PMM2: variants seen among roughly 807,000 people sequenced by gnomAD.
PMM2 encodes phosphomannomutase 2, also known as mannose-6-phosphate isomerase.
PMM2 carries 35 observed loss-of-function variants against 33.2 expected under a neutral mutation model. The observed-to-expected ratio is 1.06, with a 90% CI of 0.81 to 1.40. The LOEUF is 1.40. Among genes scored for constraint, PMM2 ranks in the 40% most tolerant of loss-of-function variants. The pLI, the probability that PMM2 is intolerant of heterozygous loss-of-function variation, is 0.00. For missense variants in PMM2, 386 were observed against 306.0 expected, an observed-to-expected ratio of 1.26 and a Z score of -1.95; for synonymous variants, 153 against 114.7, an observed-to-expected ratio of 1.33 and a Z score of -2.13.
chr16:8,823,431 G>A (rs2060749236), intron 7 of PMM2, among the ~76,000 whole-genome samples: 1 of 152,122 alleles, frequency 6.6e-6, no homozygotes, highest in South Asian at 2.1e-4. Context: ...ACAGCAGGGT[G>A]TATCATAGTT....
intron 7 of PMM2, among the ~76,000 whole-genome samples, chr16:8,817,709 C>T (rs2060715770): frequency 6.6e-6 from 1 of 152,030 alleles, no homozygotes; most frequent in Non-Finnish European, 1.5e-5. Flanking sequence ...TGTAAATTAA[C>T]CTGTGCATTC....
In PMM2 at chr16:8,847,719, T is replaced by C; in HGVS notation, c.640-5T>C. 1 of 1,609,910 alleles carries C rather than the reference T, an allele frequency of 6.2e-7. No individual in the cohort carries two copies. Among genetic ancestry groups the C allele is most frequent in the Non-Finnish European group, 8.5e-7 (1 of 1,176,272 alleles). On this transcript the variant is annotated splice_region_variant and splice_polypyrimidine_tract_variant and intron_variant, in intron 7 of 7. Coordinates refer to ENST00000268261, the MANE Select transcript of PMM2 (RefSeq NM_000303.3). ...AGCCTTCATCTGTACTTCGTGTCTT[T>C]CCAGGGTGGCAATGACCATGAGATC...
At chr16:8,847,532 A>T (rs1486676506) in intron 7 of PMM2, 192 bp from the exon 8 acceptor site, 1 of 597,252 alleles carries the variant, frequency 1.7e-6, no homozygotes, top group South Asian at 1.9e-5. Context: ...GTTCAAGAGA[A>T]GGTTATAAAT....
chr16:8,844,410 G>C (rs2060910588), intron 7 of PMM2, among the ~76,000 whole-genome samples: 1 of 152,122 alleles, frequency 6.6e-6, no homozygotes, highest in African/African-American at 2.4e-5. Context: ...GGGGCACAGA[G>C]ATACGAGTTT....
intron 7 of PMM2, among the ~76,000 whole-genome samples, chr16:8,845,755 C>T (rs1243282628): frequency 6.7e-6 from 1 of 149,752 alleles, no homozygotes; most frequent in Non-Finnish European, 1.5e-5. Flanking sequence ...TTGTTAGGTT[C>T]TCTGTGACTT....
At chr16:8,820,482 T>C (rs1596493620) in intron 7 of PMM2, among the ~76,000 whole-genome samples, 2 of 151,520 alleles carry the variant, frequency 1.3e-5, no homozygotes, top group African/African-American at 4.9e-5. Context: ...GCCTCCTGAG[T>C]AGCTGGGATT....
chr16:8,800,406 T>A (rs180692847), intron 1 of PMM2, among the ~76,000 whole-genome samples: 139 of 152,094 alleles, frequency 9.1e-4, no homozygotes, highest in African/African-American at 3.2e-3. Flanking sequence ...ACAACTGAGA[T>A]TGCTCAAAGT....
At chr16:8,842,712 C>T (rs950480712) in intron 7 of PMM2, among the ~76,000 whole-genome samples, 1 of 152,152 alleles carries the variant, frequency 6.6e-6, no homozygotes, top group Non-Finnish European at 1.5e-5. Context: ...TAAGACTTGT[C>T]CGGTTTCTGG....
chr16:8,827,865 T>A (rs1431809688), intron 7 of PMM2, among the ~76,000 whole-genome samples: 4 of 91,220 alleles, frequency 4.4e-5, no homozygotes, highest in African/African-American at 1.5e-4. Context: ...ATGTTATATA[T>A]TATATATATG....
intron 4 of PMM2, chr16:8,810,742 A>AT (rs2060672694): frequency 2.8e-6 from 1 of 362,604 alleles, no homozygotes; most frequent in South Asian, 2.2e-5. Flanking sequence ...ATGCCAGGCT[A>AT]TTTTTTGTAT....
In PMM2 at chr16:8,801,843, G is replaced by A. The variant is rs762773046; in HGVS notation, c.111G>A (p.Gln37=). 1.1e-5 allele frequency: 18 copies of A among 1,612,258 alleles called. No individual in the cohort carries two copies. The highest frequency in any genetic ancestry group is 1.7e-5 in the Admixed American group (1 of 59,978). Residue 37 remains glutamine, a synonymous_variant, in exon 2 of 8, where the codon CAG becomes CAA. Coordinates refer to ENST00000268261, the MANE Select transcript of PMM2 (RefSeq NM_000303.3). ...ATGACTTCCTACAAAAATTGAGGCAGAAGATCAAAATCGGAGTGGTAGGCG... is the reference window on the plus strand; with the variant it reads ...ATGACTTCCTACAAAAATTGAGGCAAAAGATCAAAATCGGAGTGGTAGGCG... ...EMDDFLQKLR[Q]KIKIGVVGGS... is the part of the protein sequence containing the mutation.
chr16:8,811,239 G>A (rs1215255275), intron 5 of PMM2, 61 bp downstream of exon 5: 1 of 1,106,510 alleles, frequency 9.0e-7, no homozygotes, highest in East Asian at 2.6e-5. Flanking sequence ...GATATGGCCT[G>A]GTGTGGTGGT....
chr16:8,823,755 T>G lies in PMM2; in HGVS notation c.639+10649T>G, dbSNP rs978874408. ...TTTCTTCTCATGGTCCTAAGATAATTTGGGGCTCCTGGGCCTGTCAAAAAG... is the reference window on the plus strand; with the variant it reads ...TTTCTTCTCATGGTCCTAAGATAATGTGGGGCTCCTGGGCCTGTCAAAAAG... On this transcript the variant is annotated intron_variant, in intron 7 of 7. Coordinates refer to ENST00000268261, the MANE Select transcript of PMM2 (RefSeq NM_000303.3). Among the ~76,000 whole-genome samples, 4 of 152,178 alleles carry G rather than the reference T, an allele frequency of 2.6e-5. No homozygotes were observed. The South Asian group carries it at 6.2e-4, about 24-fold the overall frequency.
At chr16:8,817,744 G>A (rs969162597) in intron 7 of PMM2, among the ~76,000 whole-genome samples, 2 of 152,036 alleles carry the variant, frequency 1.3e-5, no homozygotes, top group East Asian at 1.9e-4. Flanking sequence ...GAGAAAGTAC[G>A]AAGAAGAAAA....
intron 4 of PMM2, chr16:8,807,869 G>A (rs566826522): frequency 3.3e-5 from 5 of 152,104 alleles, no homozygotes; most frequent in Non-Finnish European, 7.3e-5. Context: ...TAAAATAATA[G>A]TAATAATAAT....
chr16:8,825,266 C>G (rs560214623), intron 7 of PMM2, among the ~76,000 whole-genome samples: 1 of 151,976 alleles, frequency 6.6e-6, no homozygotes, highest in Non-Finnish European at 1.5e-5. Flanking sequence ...CTCCTGACCT[C>G]GTGATCCACC....
intron 7 of PMM2, among the ~76,000 whole-genome samples, chr16:8,828,435 A>T (rs1488798121): frequency 5.3e-5 from 8 of 152,196 alleles, no homozygotes; most frequent in Admixed American, 5.2e-4. Context: ...AGCTTCAGCT[A>T]CTGAGCTAAA....
intron 7 of PMM2, among the ~76,000 whole-genome samples, chr16:8,828,845 A>G (rs562705391): frequency 2.6e-5 from 4 of 152,208 alleles, no homozygotes; most frequent in Non-Finnish European, 4.4e-5. Flanking sequence ...AATGCTTGGC[A>G]GGTAGTAGGT....
At chr16:8,811,801 G>C in intron 6 of PMM2, 88 bp downstream of exon 6, 4 of 922,978 alleles carry the variant, frequency 4.3e-6, no homozygotes, top group South Asian at 3.9e-5. Context: ...AATGAAGTAT[G>C]TGCAGTTTTA....
Sources: gnomAD v4.1 joint callset for allele counts (sites outside exome capture counted in the v4.1 genomes callset) on GRCh38, gnomAD v4.1.1 for gene constraint, MANE v1.5 for transcripts, NCBI Gene and HGNC (gene_info 2026-07-23, HGNC 2026-07-21) for gene names.